KAZN: variants seen among roughly 807,000 people sequenced by gnomAD.
KAZN encodes kazrin, periplakin interacting protein.
Under a neutral mutation model 87.4 loss-of-function variants are expected in KAZN, and 40 were observed. The ratio of observed to expected loss-of-function variants is 0.46; its 90% CI spans 0.36 to 0.60. The LOEUF (loss-of-function observed/expected upper bound fraction) is 0.60. Among genes scored for constraint, KAZN ranks in the 20% least tolerant of loss-of-function variants. The pLI, the probability that KAZN is intolerant of heterozygous loss-of-function variation, is 0.00. For synonymous variants in KAZN, 466 were observed against 458.3 expected, an observed-to-expected ratio of 1.02 and a Z score of -0.22; for missense variants, 898 against 1,073.9, an observed-to-expected ratio of 0.84 and a Z score of 2.29.
intron 1 of KAZN, among the ~76,000 whole-genome samples, chr1:13,978,604 T>A (rs1325622381): frequency 1.3e-5 from 2 of 151,828 alleles, no homozygotes; most frequent in Non-Finnish European, 2.9e-5. Context: ...ATATGACTAT[T>A]AGTAAACTGG....
chr1:14,185,492 G>T (rs974290066), intron 2 of KAZN, among the ~76,000 whole-genome samples: 2 of 152,112 alleles, frequency 1.3e-5, no homozygotes, highest in African/African-American at 2.4e-5. Context: ...GCTCCATTAC[G>T]CATCCTTTCC....
intron 1 of KAZN, among the ~76,000 whole-genome samples, chr1:14,052,963 C>T (rs756302159): frequency 7.9e-5 from 12 of 152,140 alleles, no homozygotes; most frequent in African/African-American, 1.7e-4. Flanking sequence ...AGGAGGTTTC[C>T]GGGCCCTGGT....
intron 1 of KAZN, chr1:14,945,801 C>T (rs533228586): frequency 1.4e-5 from 12 of 883,734 alleles, no homozygotes; most frequent in Admixed American, 6.2e-5. Context: ...TCCACGGCCT[C>T]GAGAGCCTCC....
intron 1 of KAZN, among the ~76,000 whole-genome samples, chr1:14,952,852 C>T (rs1332128976): frequency 6.6e-6 from 1 of 152,222 alleles, no homozygotes; most frequent in Non-Finnish European, 1.5e-5. Context: ...TGATGAGCTA[C>T]ATTTGACCCT....
chr1:15,042,750 C>T (rs936126492), intron 3 of KAZN, among the ~76,000 whole-genome samples: 3 of 152,200 alleles, frequency 2.0e-5, no homozygotes, highest in African/African-American at 4.8e-5. Flanking sequence ...CTCCCTCAGC[C>T]TCCCTGTCTC....
chr1:13,980,993 A>G (rs2101075387), intron 1 of KAZN, among the ~76,000 whole-genome samples: 1 of 147,626 alleles, frequency 6.8e-6, no homozygotes, highest in South Asian at 2.2e-4. Context: ...GAAGCTGTAT[A>G]ACATTTTATG....
chr1:15,099,480 T>G lies in KAZN; in HGVS notation c.1548-2063T>G, dbSNP rs1187125099. On this transcript the variant is annotated intron_variant, in intron 10 of 14. Transcript: ENST00000376030. This position sits in a 1 kb window ranked among gnomAD's most constrained non-coding sequence, Gnocchi z 5.4. The stretch of plus-strand genomic sequence containing the variant: ...AGCAAATTCAGAGAAAAGGGAGATT[T>G]GACGCCCAAGGGATGAGGAGGGGTG... 6.6e-6 allele frequency among the ~76,000 whole-genome samples: 1 copy of G among 151,840 alleles called. No homozygotes were observed. Among genetic ancestry groups the G allele is most frequent in the African/African-American group, 2.4e-5 (1 of 41,300 alleles).
At chr1:14,826,678 G>C (rs762439248) in intron 1 of KAZN, among the ~76,000 whole-genome samples, 2 of 152,064 alleles carry the variant, frequency 1.3e-5, no homozygotes, top group Non-Finnish European at 2.9e-5. Flanking sequence ...TCCAGTAGCG[G>C]CTGGATTTTT....
intron 2 of KAZN, among the ~76,000 whole-genome samples, chr1:14,370,140 G>A (rs1215875635): frequency 6.6e-6 from 1 of 152,192 alleles, no homozygotes; most frequent in Non-Finnish European, 1.5e-5. Context: ...TCCACAGAGG[G>A]TGGATGTCTT....
intron 13 of KAZN, among the ~76,000 whole-genome samples, chr1:15,105,676 T>A (rs959378600): frequency 4.6e-5 from 7 of 151,996 alleles, no homozygotes; most frequent in African/African-American, 1.7e-4. Flanking sequence ...ACCACATGGA[T>A]CCTTAGGGAG....
intron 2 of KAZN, among the ~76,000 whole-genome samples, chr1:14,461,727 T>G (rs1344594683): frequency 1.3e-5 from 2 of 152,108 alleles, no homozygotes; most frequent in Non-Finnish European, 2.9e-5. Flanking sequence ...GTTACACAAA[T>G]GAACCCCACC....
intron 2 of KAZN, among the ~76,000 whole-genome samples, chr1:14,582,069 C>A (rs1265936791): frequency 6.6e-6 from 1 of 152,010 alleles, no homozygotes; most frequent in African/African-American, 2.4e-5. Flanking sequence ...TTTACAACCC[C>A]TAGAATAGCA....
chr1:14,412,095 T>G (rs992184536), intron 2 of KAZN, among the ~76,000 whole-genome samples: 3 of 152,198 alleles, frequency 2.0e-5, no homozygotes, highest in Admixed American at 6.5e-5. Context: ...ATGTTCATTC[T>G]CAGGGGGTCA....
intron 1 of KAZN, among the ~76,000 whole-genome samples, chr1:14,701,094 G>A (rs557733782): frequency 2.0e-5 from 3 of 152,302 alleles, no homozygotes; most frequent in East Asian, 1.9e-4. Flanking sequence ...AGTGATGAGT[G>A]TATAATGTAA....
At position 13,931,327 on chromosome 1, in the gene KAZN, T is replaced by A. The variant is rs151254372; in HGVS notation, c.91+37571T>A. Among the ~76,000 whole-genome samples, 559 of 152,308 alleles carry A rather than the reference T, an allele frequency of 3.7e-3. 2 individuals are homozygous for A. The highest frequency in any genetic ancestry group is 5.8e-3 in the Non-Finnish European group (395 of 68,018). On this transcript the variant is annotated intron_variant, in intron 1 of 16. Transcript: ENST00000636203. ...ATAAATTAATAATTCTCCCTCCAAA[T>A]AGCAGTGCAGCTTCCCTGACATGTT...
chr1:14,353,545 G>C (rs1253744925), intron 2 of KAZN, among the ~76,000 whole-genome samples: 1 of 152,082 alleles, frequency 6.6e-6, no homozygotes, highest in African/African-American at 2.4e-5. Context: ...TAGAAAACTT[G>C]AAGGGATCTA....
At chr1:14,129,477 C>A (rs1005553316) in intron 1 of KAZN, among the ~76,000 whole-genome samples, 5 of 152,220 alleles carry the variant, frequency 3.3e-5, no homozygotes, top group Non-Finnish European at 7.3e-5. Context: ...CCCTGTGCCT[C>A]CCACCCGATT....
At chr1:14,493,994 CT>C (rs1669812774) in intron 2 of KAZN, among the ~76,000 whole-genome samples, 1 of 152,200 alleles carries the variant, frequency 6.6e-6, no homozygotes, top group Admixed American at 6.5e-5. Context: ...TTCTATTCTT[CT>C]TCTCCTTGGG....
chr1:14,834,806 A>G (rs1265980625), intron 1 of KAZN, among the ~76,000 whole-genome samples: 2 of 141,582 alleles, frequency 1.4e-5, no homozygotes, highest in East Asian at 3.9e-4. Flanking sequence ...AGCCTAGGGG[A>G]ATTATTAGTA....
Sources: allele counts gnomAD v4.1 joint callset (sites outside exome capture counted in the v4.1 genomes callset), GRCh38; gene constraint gnomAD v4.1.1; non-coding constraint Gnocchi (gnomAD v3.1); transcripts MANE v1.5; gene names NCBI Gene and HGNC (gene_info 2026-07-23, HGNC 2026-07-21).